ATF2: variants seen among roughly 807,000 people sequenced by gnomAD.
The protein encoded by ATF2 is cyclic AMP-dependent transcription factor ATF-2.
ATF2 carries 24 observed loss-of-function variants against 60.6 expected under a neutral mutation model. The observed-to-expected ratio is 0.40, with a 90% CI of 0.29 to 0.56. The LOEUF (loss-of-function observed/expected upper bound fraction) is 0.56, where lower values mean the gene tolerates loss of function less well. Among genes scored for constraint, ATF2 ranks in the 20% least tolerant of loss-of-function variants. The pLI is 0.54. For synonymous variants in ATF2, 206 were observed against 215.4 expected (o/e 0.96, Z 0.38); for missense variants, 433 against 607.7 (o/e 0.71, Z 3.02).
intron 13 of ATF2, among the ~76,000 whole-genome samples, chr2:175,076,945 C>T (rs530279554): frequency 3.4e-4 from 41 of 120,658 alleles, no homozygotes; most frequent in African/African-American, 1.2e-3. Flanking sequence ...TATCCCTCCC[C>T]CCTCCCCCCA....
At chr2:175,118,428 T>C (rs1440125808) in intron 5 of ATF2, 59 bp from the exon 6 acceptor site, 10 of 1,375,366 alleles carry the variant, frequency 7.3e-6, no homozygotes, top group Non-Finnish European at 1.0e-5. Context: ...CTCTAAAATA[T>C]AGCTACTAAG....
intron 10 of ATF2, among the ~76,000 whole-genome samples, chr2:175,102,820 TAGGCATA>T (rs891682910): frequency 1.3e-5 from 2 of 152,000 alleles, no homozygotes; most frequent in African/African-American, 4.8e-5. Flanking sequence ...CAAGAAAACT[TAGGCATA>T]ATTTTAATTT....
chr2:175,113,586 AAG>A (rs368944918), intron 9 of ATF2, among the ~76,000 whole-genome samples: 218 of 152,268 alleles, frequency 1.4e-3, no homozygotes, highest in African/African-American at 5.2e-3. Context: ...TGGGCTATCA[AAG>A]ATTCTACAAA....
chr2:175,129,122 G>A (rs1697554434), intron 4 of ATF2, among the ~76,000 whole-genome samples: 1 of 152,070 alleles, frequency 6.6e-6, no homozygotes, highest in Non-Finnish European at 1.5e-5. Context: ...CAGATAAATT[G>A]TGAGATAATG....
chr2:175,156,057 C>T lies in ATF2; in HGVS notation c.-142-4899G>A, dbSNP rs543898819. Among the ~76,000 whole-genome samples the T allele has an allele frequency of 4.6e-5, 7 of 152,200 alleles. No individual in the cohort carries two copies. In the South Asian group the frequency reaches 1.5e-3, roughly 32 times the overall value. On this transcript the variant is annotated intron_variant, in intron 1 of 13. Coordinates refer to ENST00000264110, the MANE Select transcript of ATF2 (RefSeq NM_001880.4). ...AGGTTACCTTCCACCACAAAAGGAA[C>T]AGTGCAGATGTAAAAAGACTACACA...
rs1693052109 is a variant in ATF2, at chr2:175,073,150, C to A, written c.*1459G>T. On this transcript the variant is annotated 3_prime_UTR_variant, in exon 14 of 14. Coordinates refer to ENST00000264110, the MANE Select transcript of ATF2 (RefSeq NM_001880.4). ...CTATTTTACAAAGTTTTCTTACGCA[C>A]ATCTACTACTTTTAAAATTTTATGT... 2 of 152,126 alleles carry A rather than the reference C, an allele frequency of 1.3e-5. No individual in the cohort carries two copies. Among genetic ancestry groups the A allele is most frequent in the South Asian group, 4.1e-4 (2 of 4,828 alleles). 9.4% of individuals were successfully genotyped at this position (152,126 alleles called of 1,614,324 possible).
At chr2:175,082,838 A>G (rs749428894) in intron 12 of ATF2, among the ~76,000 whole-genome samples, 2 of 152,226 alleles carry the variant, frequency 1.3e-5, no homozygotes, top group East Asian at 1.9e-4. Flanking sequence ...GTCTTGCTAA[A>G]TATTTTATTT....
chr2:175,114,122 A>G lies in ATF2; in HGVS notation c.627-14T>C. 1 of 1,561,226 alleles carries G rather than the reference A, an allele frequency of 6.4e-7. No homozygotes were observed. The highest frequency in any genetic ancestry group is 8.6e-7 in the Non-Finnish European group (1 of 1,158,232). On this transcript the variant is annotated splice_polypyrimidine_tract_variant and intron_variant, in intron 8 of 13. Transcript: ENST00000264110. ...CCTGGTACAGGGCTAAGAAAAACAA[A>G]AGAAGAGAAATTTTAAAAAAGAGAT...
chr2:175,126,021 T>C (rs981347151), intron 4 of ATF2, among the ~76,000 whole-genome samples: 5 of 152,150 alleles, frequency 3.3e-5, no homozygotes, highest in Non-Finnish European at 4.4e-5. Context: ...AAGAAAGAAC[T>C]GTCCTATAAT....
intron 12 of ATF2, among the ~76,000 whole-genome samples, chr2:175,084,781 C>T (rs1694036918): frequency 6.6e-6 from 1 of 152,004 alleles, no homozygotes; most frequent in Admixed American, 6.6e-5. Context: ...TGGATTGTAA[C>T]TTTTGGTGTA....
At chr2:175,109,460 C>G (rs1000107401) in intron 10 of ATF2, among the ~76,000 whole-genome samples, 3 of 152,060 alleles carry the variant, frequency 2.0e-5, no homozygotes, top group African/African-American at 7.2e-5. Context: ...GTGGACTGAT[C>G]GGAAAGAGAG....
intron 10 of ATF2, among the ~76,000 whole-genome samples, chr2:175,104,348 G>T (rs1695499572): frequency 6.6e-6 from 1 of 152,116 alleles, no homozygotes; most frequent in Non-Finnish European, 1.5e-5. Flanking sequence ...ATTCTTGAGA[G>T]AGATGCAGAA....
intron 12 of ATF2, among the ~76,000 whole-genome samples, chr2:175,082,533 G>A (rs997545725): frequency 1.3e-5 from 2 of 152,070 alleles, no homozygotes; most frequent in African/African-American, 4.8e-5. Flanking sequence ...ATGTCTACAA[G>A]TTTCTCTCAT....
intron 12 of ATF2, among the ~76,000 whole-genome samples, chr2:175,083,339 G>A (rs558605021): frequency 7.2e-5 from 11 of 152,170 alleles, no homozygotes; most frequent in East Asian, 1.9e-4. Flanking sequence ...CAGAAATAAC[G>A]CCGCATATGT....
At chr2:175,085,161 G>A (rs923192415) in intron 12 of ATF2, among the ~76,000 whole-genome samples, 1 of 152,018 alleles carries the variant, frequency 6.6e-6, no homozygotes, top group Non-Finnish European at 1.5e-5. Flanking sequence ...ATAATAAACC[G>A]TATTATGTAA....
chr2:175,161,622 T>C (rs1046716325), intron 1 of ATF2, among the ~76,000 whole-genome samples: 1 of 152,218 alleles, frequency 6.6e-6, no homozygotes, highest in Admixed American at 6.5e-5. Flanking sequence ...CTCAGTCAAT[T>C]TGGCTATCAT....
intron 2 of ATF2, among the ~76,000 whole-genome samples, chr2:175,140,060 G>C (rs1395339856): frequency 6.6e-6 from 1 of 152,056 alleles, no homozygotes; most frequent in East Asian, 1.9e-4. Context: ...CAGGAAATCA[G>C]GAATAAATTT....
At chr2:175,167,211 G>C (rs1027753213) in intron 1 of ATF2, among the ~76,000 whole-genome samples, 1 of 151,808 alleles carries the variant, frequency 6.6e-6, no homozygotes, top group Non-Finnish European at 1.5e-5. Context: ...TCGGTTAAAC[G>C]AGCGAACATA....
chr2:175,159,769 GAAT>G (rs1442394680), intron 1 of ATF2, among the ~76,000 whole-genome samples: 1 of 151,994 alleles, frequency 6.6e-6, no homozygotes, highest in Non-Finnish European at 1.5e-5. Flanking sequence ...AATTATAATA[GAAT>G]AACAAATACA....
Sources: allele counts gnomAD v4.1 joint callset (sites outside exome capture counted in the v4.1 genomes callset), GRCh38; gene constraint gnomAD v4.1.1; transcripts MANE v1.5; gene names NCBI Gene and HGNC (gene_info 2026-07-23, HGNC 2026-07-21).